Variants in CSMD3 observed in about 807,000 individuals in gnomAD.
CSMD3 encodes the protein CUB and sushi domain-containing protein 3.
Under a neutral mutation model 435.2 loss-of-function variants are expected in CSMD3, and 177 were observed. The observed-to-expected ratio is 0.41, with a 90% CI of 0.36 to 0.46. CSMD3 has a LOEUF of 0.46. Ranked by LOEUF, CSMD3 falls within the 20% of genes least tolerant of loss-of-function variation. The pLI is 0.34. For synonymous variants in CSMD3, 1,656 were observed against 1,520.5 expected (o/e 1.09, Z -2.07); for missense variants, 4,265 against 4,504.6 (o/e 0.95, Z 1.52).
chr8:113,330,778 A>T (rs2094021667), intron 1 of CSMD3, among the ~76,000 whole-genome samples: 1 of 151,936 alleles, frequency 6.6e-6, no homozygotes, highest in Admixed American at 6.6e-5. Context: ...CTCAAAATAC[A>T]TGGAAAAAAT....
intron 4 of CSMD3, among the ~76,000 whole-genome samples, chr8:113,166,046 G>T (rs1049594240): frequency 2.0e-5 from 3 of 152,030 alleles, no homozygotes; most frequent in African/African-American, 7.2e-5. Context: ...CTTTTTGCAT[G>T]AAATTAGACT....
chr8:113,224,404 A>G (rs1458081489), intron 3 of CSMD3, among the ~76,000 whole-genome samples: 1 of 151,254 alleles, frequency 6.6e-6, no homozygotes, highest in Non-Finnish European at 1.5e-5. Flanking sequence ...ATATTAATGG[A>G]ATTATATAAT....
chr8:112,487,529 T>C (rs1453232132), intron 31 of CSMD3, among the ~76,000 whole-genome samples: 1 of 152,168 alleles, frequency 6.6e-6, no homozygotes, highest in East Asian at 1.9e-4. Context: ...GATTATAAGA[T>C]CTTTGGCATT....
intron 4 of CSMD3, among the ~76,000 whole-genome samples, chr8:113,101,034 T>A (rs1191033179): frequency 6.6e-6 from 1 of 152,106 alleles, no homozygotes; most frequent in Non-Finnish European, 1.5e-5. Context: ...GTAGGAAGGA[T>A]CAGAGGATCT....
At chr8:113,015,741 C>T (rs549127514) in intron 6 of CSMD3, among the ~76,000 whole-genome samples, 1 of 151,718 alleles carries the variant, frequency 6.6e-6, no homozygotes, top group South Asian at 2.1e-4. Context: ...GATTTTCTTT[C>T]TTGGACAATT....
intron 1 of CSMD3, among the ~76,000 whole-genome samples, chr8:113,350,321 C>T (rs575720761): frequency 2.0e-4 from 31 of 152,152 alleles, no homozygotes; most frequent in African/African-American, 6.3e-4. Flanking sequence ...AAGGAACTAC[C>T]GTAAAATAGT....
chr8:113,144,111 T>A (rs988630630), intron 4 of CSMD3, among the ~76,000 whole-genome samples: 2 of 150,264 alleles, frequency 1.3e-5, no homozygotes, highest in African/African-American at 2.4e-5. Flanking sequence ...ATTTATTATA[T>A]AATTATTACT....
At chr8:112,622,747 G>C (rs1252285492) in intron 22 of CSMD3, among the ~76,000 whole-genome samples, 1 of 152,064 alleles carries the variant, frequency 6.6e-6, no homozygotes, top group Non-Finnish European at 1.5e-5. Context: ...TATCTCATTG[G>C]TCTCATTTGT....
At chr8:113,164,014 T>G (rs1035852892) in intron 4 of CSMD3, among the ~76,000 whole-genome samples, 1 of 152,076 alleles carries the variant, frequency 6.6e-6, no homozygotes, top group Non-Finnish European at 1.5e-5. Flanking sequence ...TCCAGTAAGT[T>G]TGGTTTTCAT....
At chr8:112,515,559 T>A (rs1823585117) in intron 28 of CSMD3, among the ~76,000 whole-genome samples, 1 of 152,226 alleles carries the variant, frequency 6.6e-6, no homozygotes, top group South Asian at 2.1e-4. Context: ...AATTAATTGA[T>A]GTTTGTTGAT....
intron 5 of CSMD3, among the ~76,000 whole-genome samples, chr8:113,043,752 C>A (rs1219867302): frequency 6.6e-6 from 1 of 151,786 alleles, no homozygotes; most frequent in Non-Finnish European, 1.5e-5. Flanking sequence ...AATTTTGTAT[C>A]TAATAATTTA....
At chr8:112,582,908 A>G (rs946346936) in intron 23 of CSMD3, among the ~76,000 whole-genome samples, 2 of 152,068 alleles carry the variant, frequency 1.3e-5, no homozygotes, top group Non-Finnish European at 2.9e-5. Flanking sequence ...GGTGGCCATC[A>G]TCAGACATAA....
chr8:113,226,245 TAAG>T (rs761996080), intron 3 of CSMD3, among the ~76,000 whole-genome samples: 5 of 151,532 alleles, frequency 3.3e-5, no homozygotes, highest in East Asian at 1.9e-4. Flanking sequence ...ATTTTCCTCA[TAAG>T]AAGGAGGAAT....
At chr8:112,768,181 A>C (rs2078027547) in intron 13 of CSMD3, among the ~76,000 whole-genome samples, 1 of 151,532 alleles carries the variant, frequency 6.6e-6, no homozygotes. Context: ...AATATAAATA[A>C]ACAGTATATG....
chr8:113,079,656 A>C (rs2089477809), intron 5 of CSMD3, among the ~76,000 whole-genome samples: 1 of 152,172 alleles, frequency 6.6e-6, no homozygotes. Context: ...GACATGATAC[A>C]GATAAGGAAA....
At chr8:113,225,663 A>C (rs2093018726) in intron 3 of CSMD3, among the ~76,000 whole-genome samples, 1 of 151,478 alleles carries the variant, frequency 6.6e-6, no homozygotes, top group African/African-American at 2.4e-5. Context: ...CTTTGAGCGC[A>C]CTCTGCCAAG....
At chr8:112,717,379 T>C (rs780804580) in intron 13 of CSMD3, among the ~76,000 whole-genome samples, 5 of 152,142 alleles carry the variant, frequency 3.3e-5, no homozygotes, top group Non-Finnish European at 7.4e-5. Flanking sequence ...TACTATCTCT[T>C]GCCAGTCAGA....
At chr8:112,582,044 G>A (rs1481716685) in intron 23 of CSMD3, among the ~76,000 whole-genome samples, 1 of 152,080 alleles carries the variant, frequency 6.6e-6, no homozygotes, top group East Asian at 1.9e-4. Context: ...TCTCATGTCG[G>A]AATGTGATTC....
At chr8:113,069,441 A>G (rs2089005824) in intron 5 of CSMD3, among the ~76,000 whole-genome samples, 1 of 152,172 alleles carries the variant, frequency 6.6e-6, no homozygotes, top group Non-Finnish European at 1.5e-5. Flanking sequence ...TACCCTATTT[A>G]TTTTAAATTC....
Sources: gnomAD v4.1 joint callset for allele counts (sites outside exome capture counted in the v4.1 genomes callset) on GRCh38, gnomAD v4.1.1 for gene constraint, MANE v1.5 for transcripts, NCBI Gene and HGNC (gene_info 2026-07-23, HGNC 2026-07-21) for gene names.